EPB41L3: variants seen among roughly 807,000 people sequenced by gnomAD.
The protein encoded by EPB41L3 is erythrocyte membrane protein band 4.1 like 3.
In EPB41L3, 57 loss-of-function variants were observed where a neutral mutation model predicts 127.1. The observed-to-expected ratio is 0.45, with a 90% CI of 0.36 to 0.56. The LOEUF is 0.56. Among genes scored for constraint, EPB41L3 ranks in the 20% least tolerant of loss-of-function variants. The pLI is 0.00. For synonymous variants in EPB41L3, 572 were observed against 549.5 expected (o/e 1.04, Z -0.57); for missense variants, 1,273 against 1,372.2 (o/e 0.93, Z 1.14).
intron 12 of EPB41L3, among the ~76,000 whole-genome samples, chr18:5,419,426 T>C (rs1379784994): frequency 1.3e-5 from 2 of 152,216 alleles, no homozygotes; most frequent in South Asian, 2.1e-4. Context: ...AAAAGTGTAA[T>C]ACGCCACCAA....
chr18:5,504,102 C>T (rs1055938265), intron 1 of EPB41L3, among the ~76,000 whole-genome samples: 1 of 152,122 alleles, frequency 6.6e-6, no homozygotes, highest in African/African-American at 2.4e-5. Flanking sequence ...GAGAAGCCTG[C>T]ACAGGAAAGG....
intron 8 of EPB41L3, among the ~76,000 whole-genome samples, chr18:5,430,036 C>T (rs557054294): frequency 6.6e-6 from 1 of 152,250 alleles, no homozygotes; most frequent in East Asian, 1.9e-4. Flanking sequence ...GTACCTTTAA[C>T]CTACTGAGGG....
intron 8 of EPB41L3, chr18:5,429,170 C>T (rs748328348): frequency 2.6e-5 from 4 of 152,088 alleles, no homozygotes; most frequent in Non-Finnish European, 5.9e-5. Flanking sequence ...TCACACTTAG[C>T]AATATGGCTC....
intron 9 of EPB41L3, among the ~76,000 whole-genome samples, chr18:5,427,078 C>T (rs2078288662): frequency 6.6e-6 from 1 of 152,050 alleles, no homozygotes; most frequent in South Asian, 2.1e-4. Context: ...ATCAAACTCA[C>T]TGCAGCCTTA....
chr18:5,443,501 TTA>T (rs2081071600), intron 5 of EPB41L3, among the ~76,000 whole-genome samples: 1 of 152,240 alleles, frequency 6.6e-6, no homozygotes, highest in Non-Finnish European at 1.5e-5. Flanking sequence ...TATGAAATGA[TTA>T]TGACTTTCAT....
At chr18:5,615,199 A>G (rs1208849003) in intron 1 of EPB41L3, among the ~76,000 whole-genome samples, 3 of 137,496 alleles carry the variant, frequency 2.2e-5, no homozygotes, top group Admixed American at 2.1e-4. Flanking sequence ...TATCTAATTC[A>G]GACTTTTTTT....
chr18:5,629,503 G>A (rs2094964868), upstream of EPB41L3, among the ~76,000 whole-genome samples: 1 of 152,036 alleles, frequency 6.6e-6, no homozygotes, highest in African/African-American at 2.4e-5. Context: ...CAGAGCCACT[G>A]TCCACTTGAA....
chr18:5,445,991 T>A (rs1048908357), intron 3 of EPB41L3, among the ~76,000 whole-genome samples: 1 of 152,116 alleles, frequency 6.6e-6, no homozygotes, highest in East Asian at 1.9e-4. Context: ...GCCAAAAAGG[T>A]TGGGGACCGC....
At position 5,543,861 on chromosome 18, in the gene EPB41L3, G is replaced by A; in HGVS notation, c.-12+52C>T. ...GCCTCGGGCTCTTCCTCCGCACCTC[G>A]TAAAGCCGAGACCCCCTCGCAGTCC... On this transcript the variant is annotated intron_variant, in intron 1 of 22. Coordinates refer to ENST00000341928, the MANE Select transcript of EPB41L3 (RefSeq NM_012307.5). The surrounding 1 kb of genome is among the most constrained non-coding windows in gnomAD (Gnocchi z 5.2). 2 of 984,534 alleles carry A rather than the reference G, an allele frequency of 2.0e-6. No homozygotes were observed. Among genetic ancestry groups the A allele is most frequent in the Non-Finnish European group, 2.4e-6 (2 of 829,344 alleles). 61.0% of individuals were successfully genotyped at this position (984,534 alleles called of 1,614,324 possible).
chr18:5,574,320 C>G (rs1348376073), intron 3 of EPB41L3, among the ~76,000 whole-genome samples: 1 of 151,338 alleles, frequency 6.6e-6, no homozygotes, highest in Non-Finnish European at 1.5e-5. Context: ...GATCCTCCAA[C>G]CTCAGCCTCT....
intron 3 of EPB41L3, among the ~76,000 whole-genome samples, chr18:5,472,969 C>T (rs2086437237): frequency 2.0e-5 from 3 of 152,250 alleles, no homozygotes; most frequent in African/African-American, 7.2e-5. Context: ...TTGTTGGAGT[C>T]AAGATGACCG....
chr18:5,497,559 T>C (rs1273968998), intron 1 of EPB41L3, among the ~76,000 whole-genome samples: 1 of 152,158 alleles, frequency 6.6e-6, no homozygotes, highest in East Asian at 1.9e-4. Context: ...GCAAAAATAT[T>C]GTTTCCAATA....
chr18:5,590,566 T>TCACA lies in EPB41L3; in HGVS notation c.-306+21770_-306+21773dup, dbSNP rs35652184. On this transcript the variant is annotated intron_variant, in intron 3 of 21. Coordinates refer to the EPB41L3 transcript ENST00000545076. ...TACCCTAGAGAAGTGAACACTATGT[T>TCACA]CACACACACACACACACACAAACAC... Among the ~76,000 whole-genome samples the TCACA allele has an allele frequency of 9.4e-3, 1,411 of 150,150 alleles. 16 individuals are homozygous for TCACA. Among genetic ancestry groups the TCACA allele is most frequent in the African/African-American group, 0.03 (1,242 of 40,948 alleles).
chr18:5,454,190 G>GT lies in EPB41L3; in HGVS notation c.382-8947dup, dbSNP rs1423857166. Among the ~76,000 whole-genome samples, 246 of 117,548 alleles carry GT rather than the reference G, an allele frequency of 2.1e-3. No homozygotes were observed. In the East Asian group the frequency reaches 0.037, roughly 18 times the overall value. 77.1% of individuals were successfully genotyped at this position (117,548 alleles called of 152,430 possible). The stretch of plus-strand genomic sequence containing the variant: ...GCCTTGAAATTTAAGCGGAGAGTGT[G>GT]TTTTTTTTTTGTTTCCTTGTTTTTT... On this transcript the variant is annotated intron_variant, in intron 3 of 22. Transcript: ENST00000341928.
chr18:5,533,090 C>G (rs998996328), intron 1 of EPB41L3, among the ~76,000 whole-genome samples: 8 of 151,944 alleles, frequency 5.3e-5, no homozygotes, highest in Non-Finnish European at 1.2e-4. Flanking sequence ...ATGTGAAAAC[C>G]CTCTCAGAGG....
chr18:5,398,886 G>A (rs2074035675), intron 16 of EPB41L3: 1 of 399,104 alleles, frequency 2.5e-6, no homozygotes, highest in African/African-American at 2.1e-5. Context: ...ATCTTCTTCA[G>A]GACTCTGCCG....
At chr18:5,598,402 T>C (rs1408277119) in intron 3 of EPB41L3, among the ~76,000 whole-genome samples, 1 of 152,208 alleles carries the variant, frequency 6.6e-6, no homozygotes, top group Non-Finnish European at 1.5e-5. Flanking sequence ...AAAATGTAAT[T>C]ACTTTTCATA....
chr18:5,465,334 G>C (rs960275450), intron 3 of EPB41L3, among the ~76,000 whole-genome samples: 3 of 152,162 alleles, frequency 2.0e-5, no homozygotes, highest in Admixed American at 1.3e-4. Flanking sequence ...ATTCTTTCCA[G>C]GTTAAACAAC....
chr18:5,455,360 T>C (rs1030107397), intron 3 of EPB41L3, among the ~76,000 whole-genome samples: 31 of 152,198 alleles, frequency 2.0e-4, no homozygotes, highest in African/African-American at 7.2e-4. Flanking sequence ...AGTATTGATA[T>C]TAGTAAACTG....
Sources: gnomAD v4.1 joint callset for allele counts (sites outside exome capture counted in the v4.1 genomes callset) on GRCh38, gnomAD v4.1.1 for gene constraint, Gnocchi (gnomAD v3.1) non-coding constraint, MANE v1.5 for transcripts, NCBI Gene and HGNC (gene_info 2026-07-23, HGNC 2026-07-21) for gene names.